The following PPARGC1A variants were observed in gnomAD, a reference collection of about 807,000 sequenced individuals.
PPARGC1A encodes the protein peroxisome proliferator-activated receptor gamma coactivator 1-alpha.
A neutral mutation model predicts 88.7 loss-of-function variants in PPARGC1A; 25 were observed. That is an observed-to-expected ratio of 0.28 (90% confidence interval 0.21 to 0.39). PPARGC1A has a LOEUF of 0.39. Among genes scored for constraint, PPARGC1A ranks in the 10% least tolerant of loss-of-function variants. The pLI is 1.00. For synonymous variants in PPARGC1A, 363 were observed against 355.6 expected (o/e 1.02, Z -0.24); for missense variants, 880 against 968.7 (o/e 0.91, Z 1.22).
chr4:24,283,506 A>G, the PPARGC1A span, among the ~76,000 whole-genome samples: 543 of 152,326 alleles, frequency 3.6e-3, 2 homozygotes, highest in African/African-American at 0.013. Flanking sequence ...TTTAAGCATT[A>G]GTAGTAGGCA....
the PPARGC1A span, among the ~76,000 whole-genome samples, chr4:24,436,901 C>T: frequency 1.4e-3 from 214 of 152,082 alleles, 1 homozygote; most frequent in East Asian, 7.8e-3. Flanking sequence ...GAGCCCAGGT[C>T]GTAGAGCTGA....
chr4:24,207,325 T>C, the PPARGC1A span, among the ~76,000 whole-genome samples: 2 of 152,202 alleles, frequency 1.3e-5, no homozygotes, highest in Admixed American at 1.3e-4. Context: ...TACACACCTC[T>C]CTAACATAGT....
the PPARGC1A span, among the ~76,000 whole-genome samples, chr4:24,411,800 T>G: frequency 1.3e-5 from 2 of 152,244 alleles, no homozygotes; most frequent in South Asian, 4.1e-4. Flanking sequence ...TTTCTTTCAC[T>G]TAGTTACATG....
chr4:24,370,469 G>C, the PPARGC1A span, among the ~76,000 whole-genome samples: 10 of 152,270 alleles, frequency 6.6e-5, no homozygotes, highest in South Asian at 2.1e-3. Context: ...GAATGACTTC[G>C]AATTGAAAAG....
At chr4:23,891,394 A>G (rs2970870), upstream of PPARGC1A, among the ~76,000 whole-genome samples, 73,656 of 152,044 alleles carry the variant, frequency 0.48, 19,208 homozygotes, top group African/African-American at 0.68. Context: ...CCTAAATATA[A>G]TTTGTAAAGC....
At chr4:24,181,726 A>G in the PPARGC1A span, among the ~76,000 whole-genome samples, 1 of 152,314 alleles carries the variant, frequency 6.6e-6, no homozygotes, top group Admixed American at 6.5e-5. Flanking sequence ...ACTTAGGCAC[A>G]GAGCCAAGAA....
chr4:24,022,350 C>T, the PPARGC1A span, among the ~76,000 whole-genome samples: 131 of 152,256 alleles, frequency 8.6e-4, no homozygotes, highest in African/African-American at 3.0e-3. Flanking sequence ...TCCCCGAGTG[C>T]CTCCCTCTCA....
At chr4:24,339,901 G>C in the PPARGC1A span, among the ~76,000 whole-genome samples, 736 of 152,014 alleles carry the variant, frequency 4.8e-3, 5 homozygotes, top group African/African-American at 0.017. Context: ...ACCACCCCCG[G>C]CTAATTTTTG....
chr4:23,874,240 T>C (rs1277002262), intron 2 of PPARGC1A, among the ~76,000 whole-genome samples: 4 of 152,218 alleles, frequency 2.6e-5, no homozygotes, highest in East Asian at 1.9e-4. Context: ...TATACACTTA[T>C]TCAAAGTAAC....
At position 23,829,510 on chromosome 4, in the gene PPARGC1A, G is replaced by C; in HGVS notation, c.505C>G (p.His169Asp). 2 of 1,613,698 alleles carry C rather than the reference G, an allele frequency of 1.2e-6. No homozygotes were observed. The highest frequency in any genetic ancestry group is 8.5e-7 in the Non-Finnish European group (1 of 1,179,634). ...NECSGLSTQN[H>D]ANHNHRIRTN... is the part of the protein sequence containing the mutation. ...CTGATCCTGTGATTGTGATTTGCATGGTTCTGGGTACTGAGACCACTGCAT... is the reference window on the plus strand; with the variant it reads ...CTGATCCTGTGATTGTGATTTGCATCGTTCTGGGTACTGAGACCACTGCAT... The change falls in exon 4 of 13, where the codon CAT becomes GAT. Residue 169 changes from histidine to aspartate, a missense_variant. Coordinates refer to ENST00000264867, the MANE Select transcript of PPARGC1A (RefSeq NM_013261.5).
chr4:24,202,631 G>T, the PPARGC1A span, among the ~76,000 whole-genome samples: 1 of 152,102 alleles, frequency 6.6e-6, no homozygotes. Context: ...CTGTCCATAT[G>T]AGTCAACTCT....
chr4:24,193,341 T>A, the PPARGC1A span, among the ~76,000 whole-genome samples: 645 of 152,252 alleles, frequency 4.2e-3, 8 homozygotes, highest in African/African-American at 0.015. Context: ...ACCTTTGCTT[T>A]GAAATTCAAT....
chr4:24,200,314 C>A, the PPARGC1A span, among the ~76,000 whole-genome samples: 1 of 151,928 alleles, frequency 6.6e-6, no homozygotes, highest in Admixed American at 6.6e-5. Flanking sequence ...AGTCTGAGAC[C>A]ATCCTCGCCA....
At chr4:24,006,976 G>T in the PPARGC1A span, among the ~76,000 whole-genome samples, 2 of 152,112 alleles carry the variant, frequency 1.3e-5, no homozygotes, top group East Asian at 3.9e-4. Flanking sequence ...ATTGTAAAAT[G>T]GACATCTTTC....
the PPARGC1A span, among the ~76,000 whole-genome samples, chr4:24,435,622 C>T: frequency 4.6e-5 from 7 of 152,216 alleles, no homozygotes; most frequent in Admixed American, 2.6e-4. Context: ...ATTTCACTGC[C>T]TCACCTTTGA....
the PPARGC1A span, among the ~76,000 whole-genome samples, chr4:24,397,402 T>C: frequency 6.6e-6 from 1 of 152,212 alleles, no homozygotes; most frequent in Non-Finnish European, 1.5e-5. Flanking sequence ...CCTTCCTCTT[T>C]AGGAATAAAT....
rs1320780006 is a variant in PPARGC1A at position 23,861,223 on chromosome 4, AC to A, written c.234+23528del. ...CAAAATAGGCACCACTTTATCTTAAACATCAATGCACAAAAACCTGTATTAT... is the reference window on the plus strand; with the variant it reads ...CAAAATAGGCACCACTTTATCTTAAAATCAATGCACAAAAACCTGTATTAT... On this transcript the variant is annotated intron_variant, in intron 2 of 12. Transcript: ENST00000264867. Among the ~76,000 whole-genome samples, 4 of 152,330 alleles carry A rather than the reference AC, an allele frequency of 2.6e-5. No individual in the cohort carries two copies. In the East Asian group the frequency reaches 7.7e-4, roughly 29 times the overall value.
At chr4:24,157,322 C>G in the PPARGC1A span, among the ~76,000 whole-genome samples, 1 of 152,160 alleles carries the variant, frequency 6.6e-6, no homozygotes, top group African/African-American at 2.4e-5. Flanking sequence ...TTCTCTGAAT[C>G]GATCTGCAAA....
chr4:24,143,084 G>A, the PPARGC1A span, among the ~76,000 whole-genome samples: 834 of 152,302 alleles, frequency 5.5e-3, 31 homozygotes, highest in East Asian at 0.099. Flanking sequence ...TGAAAAACAT[G>A]CATACATGTA....
Sources: allele counts gnomAD v4.1 joint callset (sites outside exome capture counted in the v4.1 genomes callset), GRCh38; gene constraint gnomAD v4.1.1; transcripts MANE v1.5; gene names NCBI Gene and HGNC (gene_info 2026-07-23, HGNC 2026-07-21).